Variants in FBRS observed in about 807,000 individuals in gnomAD.
The protein encoded by FBRS is probable fibrosin-1.
Under a neutral mutation model 86.1 loss-of-function variants are expected in FBRS, and 15 were observed. The observed-to-expected ratio is 0.17, with a 90% CI of 0.12 to 0.27. FBRS has a LOEUF of 0.27. FBRS is among the 10% of genes least tolerant of loss of function. FBRS has a pLI of 1.00. For synonymous variants in FBRS, 666 were observed against 575.8 expected, an observed-to-expected ratio of 1.16 and a Z score of -2.24; for missense variants, 1,367 against 1,301.6, an observed-to-expected ratio of 1.05 and a Z score of -0.77.
At chr16:30,666,583 T>C in intron 12 of FBRS, 42 bp downstream of exon 12, 4 of 1,613,822 alleles carry the variant, frequency 2.5e-6, no homozygotes, top group Non-Finnish European at 2.5e-6. Context: ...GGCTGGGGGC[T>C]GGTGTTAGCA....
At position 30,669,466 on chromosome 16, in the gene FBRS, C is replaced by T. The variant is rs760493682; in HGVS notation, c.2764C>T (p.His922Tyr). 6.2e-7 allele frequency: 1 copy of T among 1,613,224 alleles called. No individual in the cohort carries two copies. Among genetic ancestry groups the T allele is most frequent in the South Asian group, 1.1e-5 (1 of 91,090 alleles). Residue 922 changes from histidine to tyrosine, a missense_variant, in exon 18 of 18, where the codon CAC (histidine) becomes TAC (tyrosine). His to Tyr is a moderately conservative substitution (Grantham distance 83). Around this residue, in one of 3 missense-constraint regions of FBRS, gnomAD observed 659 missense variants for 678.8 expected, o/e 0.97. Coordinates refer to ENST00000356166, the MANE Select transcript of FBRS (RefSeq NM_001105079.3). The surrounding 1 kb of genome is among the most constrained non-coding windows in gnomAD (Gnocchi z 5.9). Reference protein sequence around the residue: ...AARLYGLEPAHPLLYSRLAPP... With the variant: ...AARLYGLEPAYPLLYSRLAPP... Reference sequence around the variant, plus strand: ...CCGCCTCTACGGTCTGGAACCTGCTCACCCCTTGCTCTACAGCCGCTTGGC... The same window carrying T: ...CCGCCTCTACGGTCTGGAACCTGCTTACCCCTTGCTCTACAGCCGCTTGGC...
Position 30,668,987 on chromosome 16 carries a change from T to TTGCCCCCC in FBRS, c.2366+8_2366+9insTGCCCCCC. ...CAAGGAGGAGAAGGACAGGTGTGCCTCCCACCCACCCTGCCCCTGCCCCAC... is the reference window on the plus strand; with the variant it reads ...CAAGGAGGAGAAGGACAGGTGTGCCTTGCCCCCCCCCACCCACCCTGCCCCTGCCCCAC... On this transcript the variant is annotated intron_variant, in intron 17 of 17. Transcript: ENST00000356166. 17 of 1,480,988 alleles carry TTGCCCCCC rather than the reference T, an allele frequency of 1.1e-5. No individual in the cohort carries two copies. Among genetic ancestry groups the TTGCCCCCC allele is most frequent in the African/African-American group, 5.7e-5 (4 of 69,716 alleles). The allele number at this position is 1,480,988 out of a possible 1,614,324, so 91.7% of individuals were successfully genotyped here. A position where few individuals can be genotyped will look rare whatever the true frequency, so the allele number is the denominator to read the frequency against.
chr16:30,659,840 G>A lies in FBRS; in HGVS notation c.322G>A (p.Glu108Lys), dbSNP rs1031268900. ...RPAGSGSRGE[E>K]EEEEEEEGGA... The stretch of plus-strand genomic sequence containing the variant: ...TGCCGGCTCGGGCAGCCGCGGGGAG[G>A]AAGAGGAGGAGGAGGAGGAGGAGGG... Residue 108 changes from glutamate to lysine, a missense_variant, in exon 1 of 18, where the codon GAA becomes AAA. Physicochemically the swap from Glu to Lys is moderately conservative, Grantham distance 56. Around this residue, in one of 3 missense-constraint regions of FBRS, gnomAD observed 702 missense variants for 598.7 expected, o/e 1.17. Transcript: ENST00000356166. 39 of 1,530,138 alleles carry A rather than the reference G, an allele frequency of 2.5e-5. No homozygotes were observed. Among genetic ancestry groups the A allele is most frequent in the Middle Eastern group, 1.9e-4 (1 of 5,272 alleles). 94.8% of individuals were successfully genotyped at this position (1,530,138 alleles called of 1,614,324 possible). A position where few individuals can be genotyped will look rare whatever the true frequency, so the allele number is the denominator to read the frequency against.
At chr16:30,660,058 T>A in intron 1 of FBRS, 81 bp downstream of exon 1, 1 of 1,481,932 alleles carries the variant, frequency 6.7e-7, no homozygotes, top group Non-Finnish European at 9.0e-7. Flanking sequence ...TGGGTGGAGT[T>A]GAGGGGGGAA....
In FBRS at chr16:30,667,488, G is replaced by A. The variant is rs2052537566; in HGVS notation, c.1993+51G>A. On this transcript the variant is annotated intron_variant, in intron 14 of 17. Transcript: ENST00000356166. ...CTGAGGTTCCCTGTCTATAGCCTGAGGCCCAGCTTGTGCCCACTCAGCCTC... is the reference window on the plus strand; with the variant it reads ...CTGAGGTTCCCTGTCTATAGCCTGAAGCCCAGCTTGTGCCCACTCAGCCTC... 3.3e-6 allele frequency: 5 copies of A among 1,513,372 alleles called. No homozygotes were observed. In the Admixed American group the frequency reaches 8.8e-5, roughly 27 times the overall value. The allele number at this position is 1,513,372 out of a possible 1,614,324, so 93.7% of individuals were successfully genotyped here.
chr16:30,666,283 G>A (rs943070019), intron 11 of FBRS: 1 of 607,214 alleles, frequency 1.6e-6, no homozygotes, highest in Admixed American at 3.0e-5. Context: ...ACCACCCGCA[G>A]CCTTCCAGCA....
At chr16:30,660,083 A>C in intron 1 of FBRS, 106 bp downstream of exon 1, 1 of 1,452,810 alleles carries the variant, frequency 6.9e-7, no homozygotes, top group Non-Finnish European at 9.1e-7. Flanking sequence ...GGCACCCCAA[A>C]CCAGAGCAAC....
chr16:30,665,202 A>G lies in FBRS; in HGVS notation c.1609-104A>G. 6.6e-7 allele frequency: 1 copy of G among 1,514,914 alleles called. No individual in the cohort carries two copies. The highest frequency in any genetic ancestry group is 8.9e-7 in the Non-Finnish European group (1 of 1,124,228). 93.8% of individuals were successfully genotyped at this position (1,514,914 alleles called of 1,614,324 possible). The stretch of plus-strand genomic sequence containing the variant: ...AAAGCAAGAGCCTTGAGCCTGGGAC[A>G]GCTCCCTGGGGGGCTTTAGGGTGGA... On this transcript the variant is annotated intron_variant, in intron 9 of 17. Transcript: ENST00000356166. This position sits in a 1 kb window ranked among gnomAD's most constrained non-coding sequence, Gnocchi z 4.1.
Position 30,664,388 on chromosome 16 carries a change from C to G in FBRS, c.1229C>G (p.Pro410Arg), listed in dbSNP as rs1480652820. 6.7e-7 allele frequency: 1 copy of G among 1,494,258 alleles called. No homozygotes were observed. The highest frequency in any genetic ancestry group is 2.5e-5 in the East Asian group (1 of 39,546). 92.6% of individuals were successfully genotyped at this position (1,494,258 alleles called of 1,614,324 possible). The change falls in exon 7 of 18, where the codon CCC (proline) becomes CGC (arginine). Residue 410 changes from proline to arginine, a missense_variant. By Grantham distance (103) the Pro-to-Arg change is moderately radical. Transcript: ENST00000356166. Reference sequence around the variant, plus strand: ...TTGTCCACCCACAGCTTTCCCCCTCCCGGGCTGCGGCCCCCCCCACCACCC... The same window carrying G: ...TTGTCCACCCACAGCTTTCCCCCTCGCGGGCTGCGGCCCCCCCCACCACCC... ...LPLSTHSFPP[P>R]GLRPPPPPHH... is the part of the protein sequence containing the mutation.
At position 30,661,342 on chromosome 16, in the gene FBRS, G is replaced by T. The variant is rs1039079514; in HGVS notation, c.705+9G>T. ...GTGATCTGGACGAGAGGGTGAGTGGGGCTAGAGCTTGGGTGGGCAGTGTCA... is the reference window on the plus strand; with the variant it reads ...GTGATCTGGACGAGAGGGTGAGTGGTGCTAGAGCTTGGGTGGGCAGTGTCA... On this transcript the variant is annotated intron_variant, in intron 4 of 17. Transcript: ENST00000356166. 3 of 1,550,496 alleles carry T rather than the reference G, an allele frequency of 1.9e-6. No homozygotes were observed. The highest frequency in any genetic ancestry group is 1.4e-5 in the African/African-American group (1 of 72,964).
rs369306779 is a variant in FBRS, at chr16:30,669,369, A to T, written c.2667A>T (p.Pro889=). ...FLEPTWLAAP[P]RLARPPRFYE... ...AGCCAACCTGGTTGGCAGCACCCCC[A>T]CGCCTGGCAAGGCCACCCCGCTTCT... The change falls in exon 18 of 18, where the codon CCA becomes CCT. Residue 889 remains proline, a synonymous_variant. Transcript: ENST00000356166. This position sits in a 1 kb window ranked among gnomAD's most constrained non-coding sequence, Gnocchi z 5.9. The T allele has an allele frequency of 6.2e-7, 1 of 1,612,398 alleles. No homozygotes were observed. The highest frequency in any genetic ancestry group is 8.5e-7 in the Non-Finnish European group (1 of 1,179,688).
In FBRS at chr16:30,669,617, G is replaced by A. The variant is rs752971654; in HGVS notation, c.2915G>A (p.Gly972Asp). 1.9e-6 allele frequency: 3 copies of A among 1,595,708 alleles called. No homozygotes were observed. In the East Asian group the frequency reaches 6.7e-5, roughly 36 times the overall value. The change falls in exon 18 of 18, where the codon GGC (glycine) becomes GAC (aspartate). Residue 972 changes from glycine (G) to aspartate (D), a missense_variant. Coordinates refer to ENST00000356166, the MANE Select transcript of FBRS (RefSeq NM_001105079.3). The surrounding 1 kb of genome is among the most constrained non-coding windows in gnomAD (Gnocchi z 5.9). ...PAPRPSSPPR[G>D]PGPARADR ...CCCCGGCCCAGTTCCCCACCTAGGG[G>A]CCCTGGCCCAGCTCGGGCTGACAGG... is the stretch of plus-strand genomic sequence containing the variant.
chr16:30,661,268 C>A, intron 3 of FBRS, 36 bp from the exon 4 acceptor site: 1 of 1,550,862 alleles, frequency 6.4e-7, no homozygotes, highest in Non-Finnish European at 8.7e-7. Context: ...TGGGCCTCTT[C>A]CCTCTCGTGA....
In FBRS at chr16:30,668,987, T is replaced by TCCCCCCCCCCCCCCCCCCCCCC; in HGVS notation, c.2366+11_2366+12insCCCCCCCCCCCCCCCCCCCCCC. Reference sequence around the variant, plus strand: ...CAAGGAGGAGAAGGACAGGTGTGCCTCCCACCCACCCTGCCCCTGCCCCAC... The same window carrying TCCCCCCCCCCCCCCCCCCCCCC: ...CAAGGAGGAGAAGGACAGGTGTGCCTCCCCCCCCCCCCCCCCCCCCCCCCCACCCACCCTGCCCCTGCCCCAC... On this transcript the variant is annotated intron_variant, in intron 17 of 17. Coordinates refer to ENST00000356166, the MANE Select transcript of FBRS (RefSeq NM_001105079.3). The TCCCCCCCCCCCCCCCCCCCCCC allele has an allele frequency of 6.8e-7, 1 of 1,481,128 alleles. No individual in the cohort carries two copies. Among genetic ancestry groups the TCCCCCCCCCCCCCCCCCCCCCC allele is most frequent in the Non-Finnish European group, 9.2e-7 (1 of 1,088,972 alleles). 91.7% of individuals were successfully genotyped at this position (1,481,128 alleles called of 1,614,324 possible).
At chr16:30,663,025 T>C (rs1596615052) in intron 6 of FBRS, 166 bp downstream of exon 6, 1 of 1,204,754 alleles carries the variant, frequency 8.3e-7, no homozygotes, top group Non-Finnish European at 1.1e-6. Flanking sequence ...TTGAGTCCGT[T>C]ACACATTCCC....
chr16:30,665,690 C>G lies in FBRS; in HGVS notation c.1757C>G (p.Ser586Cys). The change falls in exon 11 of 18, where the codon TCC (serine) becomes TGC (cysteine). Residue 586 changes from serine to cysteine, a missense_variant. By Grantham distance (112) the Ser-to-Cys change is moderately radical. Around this residue, in one of 3 missense-constraint regions of FBRS, gnomAD observed 659 missense variants for 678.8 expected, o/e 0.97. Transcript: ENST00000356166. This position sits in a 1 kb window ranked among gnomAD's most constrained non-coding sequence, Gnocchi z 4.1. ...CTGGGGCCGGTGCCGAGCGGGCTCT[C>G]CCAGAAGGGGACACAGGTGAGGGGG... ...PRLGPVPSGL[S>C]QKGTQIPDHF... is the part of the protein sequence containing the mutation. 6.3e-7 allele frequency: 1 copy of G among 1,586,002 alleles called. No homozygotes were observed. The highest frequency in any genetic ancestry group is 8.6e-7 in the Non-Finnish European group (1 of 1,166,354).
intron 6 of FBRS, among the ~76,000 whole-genome samples, chr16:30,663,793 C>T (rs1302415897): frequency 6.6e-6 from 1 of 152,112 alleles, no homozygotes; most frequent in African/African-American, 2.4e-5. Flanking sequence ...TCAAGGTCAC[C>T]CCGGGCATTC....
Position 30,668,909 on chromosome 16 carries a change from A to C in FBRS, c.2296A>C (p.Thr766Pro), listed in dbSNP as rs2052556074. Reference protein sequence around the residue: ...AWVRPPEAARTPGSDKERPVE... With the variant: ...AWVRPPEAARPPGSDKERPVE... ...GGTCCGGCCCCCTGAGGCCGCCCGG[A>C]CTCCAGGCTCAGACAAGGAGCGGCC... The change falls in exon 17 of 18, where the codon ACT (threonine) becomes CCT (proline). Residue 766 changes from threonine (T) to proline (P), a missense_variant. By Grantham distance (38) the Thr-to-Pro change is conservative. Transcript: ENST00000356166. The C allele has an allele frequency of 6.3e-7, 1 of 1,588,810 alleles. No individual in the cohort carries two copies. Among genetic ancestry groups the C allele is most frequent in the African/African-American group, 1.3e-5 (1 of 74,582 alleles).
At position 30,664,337 on chromosome 16, in the gene FBRS, C is replaced by T; in HGVS notation, c.1178C>T (p.Pro393Leu). 6.5e-7 allele frequency: 1 copy of T among 1,543,062 alleles called. No homozygotes were observed. Among genetic ancestry groups the T allele is most frequent in the Non-Finnish European group, 8.8e-7 (1 of 1,141,926 alleles). Residue 393 changes from proline (P) to leucine (L), a missense_variant, in exon 7 of 18, where the codon CCC becomes CTC. Physicochemically the swap from Pro to Leu is moderately conservative, Grantham distance 98. Transcript: ENST00000356166. ...TCGTCCGCGCAGCTCACCCACCGGC[C>T]CCCGACGCCCTCACTGCCCCTGCCT... ...SSSSAQLTHR[P>L]PTPSLPLPLS... is the part of the protein sequence containing the mutation.
Sources: allele counts gnomAD v4.1 joint callset (sites outside exome capture counted in the v4.1 genomes callset), GRCh38; gene constraint gnomAD v4.1.1; regional missense constraint gnomAD v4.1.1; non-coding constraint Gnocchi (gnomAD v3.1); transcripts MANE v1.5; gene names NCBI Gene and HGNC (gene_info 2026-07-23, HGNC 2026-07-21).